BRINP3: variants seen among roughly 807,000 people sequenced by gnomAD.
The protein encoded by BRINP3 is BMP/retinoic acid-inducible neural-specific protein 3.
A neutral mutation model predicts 71.0 loss-of-function variants in BRINP3; 19 were observed. The ratio of observed to expected loss-of-function variants is 0.27; its 90% CI spans 0.19 to 0.39. The LOEUF (loss-of-function observed/expected upper bound fraction) is 0.39. Ranked by LOEUF, BRINP3 falls within the 10% of genes least tolerant of loss-of-function variation. The probability of loss-of-function intolerance (pLI) is 1.00; values close to 1 mark genes in which losing one functional copy is unlikely to be tolerated. For missense variants in BRINP3, 959 were observed against 940.8 expected, an observed-to-expected ratio of 1.02 and a Z score of -0.25; for synonymous variants, 380 against 337.7, an observed-to-expected ratio of 1.13 and a Z score of -1.37.
At position 190,412,679 on chromosome 1, in the gene BRINP3, GTC is replaced by G. The variant is rs371352116; in HGVS notation, c.236+41974_236+41975del. On this transcript the variant is annotated intron_variant, in intron 2 of 7. Coordinates refer to ENST00000367462, the MANE Select transcript of BRINP3 (RefSeq NM_199051.3). ...GGGTTTCACCGTTTTAGCCGGGATGGTCTCGATCTCCTGACCTCGTGATCCGC... is the reference window on the plus strand; with the variant it reads ...GGGTTTCACCGTTTTAGCCGGGATGGTCGATCTCCTGACCTCGTGATCCGC... Among the ~76,000 whole-genome samples, 147 of 151,282 alleles carry G rather than the reference GTC, an allele frequency of 9.7e-4. No individual in the cohort carries two copies. The East Asian group carries it at 0.023, about 24-fold the overall frequency.
At chr1:190,459,163 C>T (rs1676214888) in intron 1 of BRINP3, among the ~76,000 whole-genome samples, 1 of 149,820 alleles carries the variant, frequency 6.7e-6, no homozygotes, top group Admixed American at 6.6e-5. Context: ...ACTGTGAAGA[C>T]CACATCATGA....
chr1:190,144,283 C>A (rs1051883730), intron 7 of BRINP3, among the ~76,000 whole-genome samples: 1 of 152,054 alleles, frequency 6.6e-6, no homozygotes, highest in African/African-American at 2.4e-5. Flanking sequence ...TCCATAGCAT[C>A]CATATTTCAT....
intron 7 of BRINP3, among the ~76,000 whole-genome samples, chr1:190,136,142 T>C (rs1429292471): frequency 6.6e-6 from 1 of 152,102 alleles, no homozygotes; most frequent in Admixed American, 6.6e-5. Context: ...GAAATTCCAA[T>C]ACAGTACAAT....
At chr1:190,435,461 G>T (rs1041592247) in intron 2 of BRINP3, among the ~76,000 whole-genome samples, 8 of 151,652 alleles carry the variant, frequency 5.3e-5, no homozygotes, top group African/African-American at 1.9e-4. Flanking sequence ...GTGAGATCGA[G>T]CAGACCAAAA....
chr1:190,098,474 C>A lies in BRINP3; in HGVS notation c.1845G>T (p.Gly615=), dbSNP rs756645736. The change falls in exon 8 of 8, where the codon GGG becomes GGT. Residue 615 remains glycine, a synonymous_variant. Coordinates refer to ENST00000367462, the MANE Select transcript of BRINP3 (RefSeq NM_199051.3). ...TCTCAAAAAATGTCTTCCATTTGTT[C>A]CCCAGAGTTAATGTCCAGTTATAAC... ...LQCYNWTLTL[G]NKWKTFFETV... is the part of the protein sequence containing the mutation. The A allele has an allele frequency of 1.2e-6, 2 of 1,613,970 alleles. No individual in the cohort carries two copies. Among genetic ancestry groups the A allele is most frequent in the African/African-American group, 2.7e-5 (2 of 74,888 alleles).
At chr1:190,177,856 G>A (rs1349077856) in intron 6 of BRINP3, among the ~76,000 whole-genome samples, 1 of 152,064 alleles carries the variant, frequency 6.6e-6, no homozygotes, top group African/African-American at 2.4e-5. Context: ...ACCAGCTACA[G>A]GTGGAAAATA....
At chr1:190,232,594 G>A (rs4399162) in intron 5 of BRINP3, among the ~76,000 whole-genome samples, 21,602 of 151,628 alleles carry the variant, frequency 0.14, 2,079 homozygotes, top group South Asian at 0.27. Flanking sequence ...TCTGAGTTAC[G>A]CACATTAGTT....
chr1:190,452,635 G>C (rs901869456), intron 2 of BRINP3, among the ~76,000 whole-genome samples: 1 of 152,168 alleles, frequency 6.6e-6, no homozygotes, highest in Non-Finnish European at 1.5e-5. Context: ...ACGGCAGGCG[G>C]ATCACTTGAA....
chr1:190,345,273 C>T (rs957389855), intron 2 of BRINP3, among the ~76,000 whole-genome samples: 3 of 151,344 alleles, frequency 2.0e-5, no homozygotes, highest in African/African-American at 7.3e-5. Context: ...TCTGGAAAGG[C>T]GATTTGAAAG....
chr1:190,117,111 A>T (rs1653204335), intron 7 of BRINP3, among the ~76,000 whole-genome samples: 1 of 152,034 alleles, frequency 6.6e-6, no homozygotes, highest in Admixed American at 6.5e-5. Flanking sequence ...TCCTTTTGTA[A>T]TGCAATTGTT....
intron 5 of BRINP3, among the ~76,000 whole-genome samples, chr1:190,227,310 A>C (rs927376246): frequency 1.3e-5 from 2 of 151,864 alleles, no homozygotes; most frequent in African/African-American, 2.4e-5. Flanking sequence ...ATTTAGAAAA[A>C]AATTAATTTA....
chr1:190,293,216 G>A (rs372368825), intron 2 of BRINP3, among the ~76,000 whole-genome samples: 2 of 151,664 alleles, frequency 1.3e-5, no homozygotes, highest in East Asian at 3.9e-4. Flanking sequence ...GTTATGTTTT[G>A]ATTTCCTTTT....
At chr1:190,196,419 T>C (rs1262248992) in intron 6 of BRINP3, among the ~76,000 whole-genome samples, 3 of 152,174 alleles carry the variant, frequency 2.0e-5, no homozygotes, top group African/African-American at 4.8e-5. Flanking sequence ...TGCTTTGATA[T>C]GGCCTTAGAT....
chr1:190,206,601 G>A (rs1458862419), intron 6 of BRINP3, among the ~76,000 whole-genome samples: 1 of 152,024 alleles, frequency 6.6e-6, no homozygotes, highest in African/African-American at 2.4e-5. Context: ...TGAGATTCTT[G>A]CCAGAAAGTT....
chr1:190,460,211 T>C (rs1024359187), intron 1 of BRINP3, among the ~76,000 whole-genome samples: 2 of 151,190 alleles, frequency 1.3e-5, no homozygotes, highest in Non-Finnish European at 3.0e-5. Context: ...ACGATACATA[T>C]TATTCTATTA....
intron 2 of BRINP3, among the ~76,000 whole-genome samples, chr1:190,289,373 A>G (rs2102961315): frequency 6.6e-6 from 1 of 152,090 alleles, no homozygotes; most frequent in South Asian, 2.1e-4. Context: ...TGCAGGTCAT[A>G]GGCTTTAATA....
intron 2 of BRINP3, among the ~76,000 whole-genome samples, chr1:190,287,678 G>A (rs554629015): frequency 6.6e-6 from 1 of 152,202 alleles, no homozygotes; most frequent in African/African-American, 2.4e-5. Context: ...CAATTGGCAT[G>A]ACTGCAACAA....
At chr1:190,382,124 T>C (rs1350336689) in intron 2 of BRINP3, among the ~76,000 whole-genome samples, 1 of 152,136 alleles carries the variant, frequency 6.6e-6, no homozygotes, top group Admixed American at 6.6e-5. Flanking sequence ...AAAATTTGTA[T>C]CACAGTGAAA....
chr1:190,353,743 C>G (rs1276136902), intron 2 of BRINP3, among the ~76,000 whole-genome samples: 1 of 151,978 alleles, frequency 6.6e-6, no homozygotes, highest in African/African-American at 2.4e-5. Flanking sequence ...ACTCCTCCAT[C>G]ATGCCTACGT....
Sources: allele counts gnomAD v4.1 joint callset (sites outside exome capture counted in the v4.1 genomes callset), GRCh38; gene constraint gnomAD v4.1.1; transcripts MANE v1.5; gene names NCBI Gene and HGNC (gene_info 2026-07-23, HGNC 2026-07-21).